Variants in RGS6 observed in about 807,000 individuals in gnomAD.
RGS6 encodes the protein regulator of G protein signaling 6.
In RGS6, 30 loss-of-function variants were observed where a neutral mutation model predicts 78.5. The ratio of observed to expected loss-of-function variants is 0.38; its 90% CI spans 0.29 to 0.52. The LOEUF is 0.52. Among genes scored for constraint, RGS6 ranks in the 20% least tolerant of loss-of-function variants. The pLI is 0.85. For synonymous variants in RGS6, 206 were observed against 206.0 expected (o/e 1.00, Z 0.00); for missense variants, 495 against 609.7 (o/e 0.81, Z 1.98).
At chr14:72,296,660 T>C (rs1316796592) in intron 2 of RGS6, among the ~76,000 whole-genome samples, 1 of 152,206 alleles carries the variant, frequency 6.6e-6, no homozygotes, top group Non-Finnish European at 1.5e-5. Flanking sequence ...TAAAAAATTG[T>C]GTTGTCTTTT....
chr14:72,059,640 T>C (rs1371499890), intron 2 of RGS6, among the ~76,000 whole-genome samples: 1 of 152,154 alleles, frequency 6.6e-6, no homozygotes, highest in African/African-American at 2.4e-5. Context: ...TAGGTTCCTA[T>C]GTTGAAGCCC....
intron 12 of RGS6, among the ~76,000 whole-genome samples, chr14:72,486,497 T>C (rs538751940): frequency 3.2e-4 from 48 of 152,218 alleles, no homozygotes; most frequent in African/African-American, 1.1e-3. Flanking sequence ...AGGCCCTCTA[T>C]GCCTGCTCAC....
chr14:72,373,734 C>G (rs2084000128), intron 3 of RGS6, among the ~76,000 whole-genome samples: 1 of 152,102 alleles, frequency 6.6e-6, no homozygotes, highest in Non-Finnish European at 1.5e-5. Context: ...TAGAAAATTC[C>G]TAATTCCAAA....
chr14:72,580,320 G>A, the RGS6 span, among the ~76,000 whole-genome samples: 11 of 98,350 alleles, frequency 1.1e-4, no homozygotes, highest in East Asian at 7.9e-4. Context: ...CCCCCACCCC[G>A]ACCCCAGGGC....
At chr14:72,290,642 T>A (rs1488730759) in intron 2 of RGS6, among the ~76,000 whole-genome samples, 1 of 152,226 alleles carries the variant, frequency 6.6e-6, no homozygotes, top group Admixed American at 6.5e-5. Flanking sequence ...TAAGTCAGTG[T>A]GGCTTCTATT....
intron 12 of RGS6, among the ~76,000 whole-genome samples, chr14:72,486,816 G>A (rs543862145): frequency 3.2e-4 from 49 of 152,290 alleles, no homozygotes; most frequent in African/African-American, 1.2e-3. Flanking sequence ...AAAGAGACAG[G>A]AGAGCAAGGA....
the RGS6 span, among the ~76,000 whole-genome samples, chr14:72,629,252 G>A: frequency 1.3e-5 from 2 of 152,290 alleles, no homozygotes; most frequent in Non-Finnish European, 2.9e-5. Context: ...AAGATTGGAC[G>A]TGTACTGATC....
chr14:72,424,136 G>C (rs1047898411), intron 3 of RGS6, among the ~76,000 whole-genome samples: 1 of 152,164 alleles, frequency 6.6e-6, no homozygotes, highest in Non-Finnish European at 1.5e-5. Flanking sequence ...GCTATTCCTG[G>C]TAGGGCCTGG....
At chr14:71,930,547 A>G (rs1465818789), upstream of RGS6, among the ~76,000 whole-genome samples, 2 of 152,184 alleles carry the variant, frequency 1.3e-5, no homozygotes, top group African/African-American at 4.8e-5. Flanking sequence ...ATTCCTATAA[A>G]TATCTGATTT....
At chr14:71,936,030 A>ATATATATATATG (rs1359536177) in intron 1 of RGS6, among the ~76,000 whole-genome samples, 7 of 133,200 alleles carry the variant, frequency 5.3e-5, no homozygotes, top group African/African-American at 1.1e-4. Context: ...ATATATATAT[A>ATATATATATATG]TATATATATA....
chr14:72,177,885 T>C (rs1339076871), intron 2 of RGS6, among the ~76,000 whole-genome samples: 3 of 152,208 alleles, frequency 2.0e-5, no homozygotes, highest in African/African-American at 7.2e-5. Context: ...GTCGAGAGAA[T>C]ACGAAAATGT....
At chr14:71,986,999 C>A (rs545319945) in intron 2 of RGS6, among the ~76,000 whole-genome samples, 5 of 152,112 alleles carry the variant, frequency 3.3e-5, no homozygotes, top group Non-Finnish European at 5.9e-5. Context: ...TCCAGGGGTA[C>A]CTCCCCATCT....
At chr14:72,253,058 G>C (rs958058142) in intron 2 of RGS6, among the ~76,000 whole-genome samples, 1 of 152,218 alleles carries the variant, frequency 6.6e-6, no homozygotes, top group African/African-American at 2.4e-5. Context: ...GTGACTTACG[G>C]TGCTTCCTTG....
At chr14:72,421,560 A>G (rs2094182557) in intron 3 of RGS6, 1 of 152,018 alleles carries the variant, frequency 6.6e-6, no homozygotes, top group Non-Finnish European at 1.5e-5. Flanking sequence ...CTGACTGTGA[A>G]TTGAATATGT....
rs190116262 is a variant in RGS6, at chr14:72,234,246, C to T, written c.85-117849C>T. Among the ~76,000 whole-genome samples, 13 of 152,026 alleles carry T rather than the reference C, an allele frequency of 8.6e-5. No individual in the cohort carries two copies. The East Asian group carries it at 2.5e-3, about 30-fold the overall frequency. ...ATGACCCCACATAGTGACTGTACCTCAGAGGGGTAACCATTTTCTGAGAGC... is the reference window on the plus strand; with the variant it reads ...ATGACCCCACATAGTGACTGTACCTTAGAGGGGTAACCATTTTCTGAGAGC... On this transcript the variant is annotated intron_variant, in intron 2 of 17. Transcript: ENST00000553525.
At chr14:72,329,543 T>C (rs1452990598) in intron 2 of RGS6, among the ~76,000 whole-genome samples, 1 of 152,282 alleles carries the variant, frequency 6.6e-6, no homozygotes, top group African/African-American at 2.4e-5. Flanking sequence ...TGGCATTGTC[T>C]GTCCAGTAAG....
Position 72,240,473 on chromosome 14 carries a change from A to G in RGS6, c.85-111622A>G, listed in dbSNP as rs549472077. 8.5e-5 allele frequency among the ~76,000 whole-genome samples: 13 copies of G among 152,348 alleles called. No individual in the cohort carries two copies. In the East Asian group the frequency reaches 2.5e-3, roughly 29 times the overall value. ...GCTGAGCTGCAGTGTAAAGCTTTCA[A>G]GTGACTCTTGGAGCTATTAAAGTGC... On this transcript the variant is annotated intron_variant, in intron 2 of 17. Transcript: ENST00000553525.
At chr14:72,194,154 G>A (rs910260347) in intron 2 of RGS6, among the ~76,000 whole-genome samples, 14 of 152,210 alleles carry the variant, frequency 9.2e-5, no homozygotes, top group African/African-American at 2.2e-4. Context: ...CGGTCAGATC[G>A]TCATGTATTT....
chr14:71,882,214 C>T, the RGS6 span, among the ~76,000 whole-genome samples: 28 of 152,114 alleles, frequency 1.8e-4, no homozygotes, highest in Non-Finnish European at 2.6e-4. Flanking sequence ...CTTTTGTGTC[C>T]GGCTTATTTC....
Sources: allele counts gnomAD v4.1 joint callset (sites outside exome capture counted in the v4.1 genomes callset), GRCh38; gene constraint gnomAD v4.1.1; transcripts MANE v1.5; gene names NCBI Gene and HGNC (gene_info 2026-07-23, HGNC 2026-07-21).